Variants in MGA observed in about 807,000 individuals in gnomAD.
MGA encodes the protein MAX gene-associated protein.
Under a neutral mutation model 261.1 loss-of-function variants are expected in MGA, and 40 were observed. The ratio of observed to expected loss-of-function variants is 0.15; its 90% CI spans 0.12 to 0.20. MGA has a LOEUF of 0.20. Ranked by LOEUF, MGA falls within the 10% of genes least tolerant of loss-of-function variation. The pLI is 1.00. For synonymous variants in MGA, 1,302 were observed against 1,290.6 expected, an observed-to-expected ratio of 1.01 and a Z score of -0.19; for missense variants, 3,397 against 3,630.5, an observed-to-expected ratio of 0.94 and a Z score of 1.65.
chr15:41,759,973 T>C (rs2063361361), intron 19 of MGA, among the ~76,000 whole-genome samples: 1 of 152,136 alleles, frequency 6.6e-6, no homozygotes, highest in African/African-American at 2.4e-5. Flanking sequence ...AAACATTTAA[T>C]GTAATTTGTA....
At chr15:41,660,768 CT>C (rs2057344305) in intron 1 of MGA, among the ~76,000 whole-genome samples, 1 of 152,192 alleles carries the variant, frequency 6.6e-6, no homozygotes, top group Admixed American at 6.5e-5. Flanking sequence ...GCTCAGCTAC[CT>C]AACTGGGAAC....
intron 15 of MGA, among the ~76,000 whole-genome samples, chr15:41,747,352 A>C (rs953303254): frequency 3.3e-5 from 5 of 152,198 alleles, no homozygotes; most frequent in South Asian, 2.1e-4. Context: ...CAGGTGGTAT[A>C]AGCTTAGAAA....
intron 5 of MGA, among the ~76,000 whole-genome samples, chr15:41,702,886 GA>G (rs2059920664): frequency 6.6e-6 from 1 of 152,094 alleles, no homozygotes; most frequent in East Asian, 1.9e-4. Flanking sequence ...TTATGTTTTG[GA>G]AGAGTTTTAG....
chr15:41,765,675 G>C (rs996702543), intron 23 of MGA, among the ~76,000 whole-genome samples: 14 of 152,142 alleles, frequency 9.2e-5, no homozygotes, highest in African/African-American at 2.9e-4. Context: ...CATTTTCTGC[G>C]CTAAGTAGCA....
intron 9 of MGA, among the ~76,000 whole-genome samples, chr15:41,724,097 A>G (rs962908873): frequency 5.8e-4 from 88 of 152,160 alleles, no homozygotes; most frequent in African/African-American, 2.1e-3. Context: ...AAGATTATTG[A>G]TAGAAGTCCA....
At chr15:41,685,040 A>G (rs2058881325) in intron 2 of MGA, among the ~76,000 whole-genome samples, 2 of 152,136 alleles carry the variant, frequency 1.3e-5, no homozygotes, top group South Asian at 4.1e-4. Context: ...ATTGATAAAG[A>G]GAGAGCTGTT....
chr15:41,625,975 C>T (rs1357446515), intron 1 of MGA, among the ~76,000 whole-genome samples: 3 of 152,120 alleles, frequency 2.0e-5, no homozygotes, highest in African/African-American at 7.2e-5. Flanking sequence ...TGAGAGATCA[C>T]ATTTACATAA....
At chr15:41,735,629 C>T (rs753364109) in intron 12 of MGA, among the ~76,000 whole-genome samples, 5 of 151,712 alleles carry the variant, frequency 3.3e-5, no homozygotes, top group South Asian at 2.1e-4. Context: ...CTCAGCTACT[C>T]GGGAGGCTGA....
rs532035599 is a variant in MGA at position 41,631,488 on chromosome 15, C to T, written c.-68+10190C>T. On this transcript the variant is annotated intron_variant, in intron 1 of 8. Transcript: ENST00000566718. ...TTCGAGACCAACCTGGGCAACATAG[C>T]GAGACCCTGTCTCTATGAAAACATA... Among the ~76,000 whole-genome samples the T allele has an allele frequency of 4.5e-4, 69 of 151,898 alleles. No individual in the cohort carries two copies. The South Asian group carries it at 0.011, about 24-fold the overall frequency.
rs1194013851 is a variant in MGA, at chr15:41,660,474, GC to G, written c.-114del. 6.5e-6 allele frequency: 1 copy of G among 152,890 alleles called. No individual in the cohort carries two copies. The highest frequency in any genetic ancestry group is 1.5e-5 in the Non-Finnish European group (1 of 68,278). 9.5% of individuals were successfully genotyped at this position (152,890 alleles called of 1,614,324 possible). A position where few individuals can be genotyped will look rare whatever the true frequency, so the allele number is the denominator to read the frequency against. Reference sequence around the variant, plus strand: ...GTGTGCGAACCGAACAGAATAACCCGCCCCCAGCGGGATGTGAAGGACTCCG... The same window carrying G: ...GTGTGCGAACCGAACAGAATAACCCGCCCCAGCGGGATGTGAAGGACTCCG... On this transcript the variant is annotated 5_prime_UTR_variant, in exon 1 of 24. Coordinates refer to ENST00000219905, the MANE Select transcript of MGA (RefSeq NM_001164273.2).
intron 20 of MGA, among the ~76,000 whole-genome samples, chr15:41,760,760 G>A (rs1054130306): frequency 6.6e-6 from 1 of 151,496 alleles, no homozygotes; most frequent in Non-Finnish European, 1.5e-5. Context: ...TTTTGAGACG[G>A]AGTTTTGCTC....
At chr15:41,629,108 A>AG (rs1343306117) in intron 1 of MGA, among the ~76,000 whole-genome samples, 104 of 150,498 alleles carry the variant, frequency 6.9e-4, no homozygotes, top group South Asian at 1.5e-3. Context: ...TTCGTCTCAA[A>AG]AAAAAAAAAA....
At chr15:41,711,475 A>G (rs932760392) in intron 8 of MGA, 126 bp downstream of exon 8, 2 of 936,574 alleles carry the variant, frequency 2.1e-6, no homozygotes, top group Non-Finnish European at 1.6e-6. Context: ...TAGAACCTTC[A>G]TGGGAACTAA....
chr15:41,666,171 C>T (rs926322381), intron 1 of MGA, among the ~76,000 whole-genome samples: 3 of 151,966 alleles, frequency 2.0e-5, no homozygotes, highest in East Asian at 1.9e-4. Flanking sequence ...ATGGAATTAC[C>T]GGTGTGAGCC....
chr15:41,724,815 C>T (rs986794187), intron 9 of MGA, among the ~76,000 whole-genome samples: 7 of 152,156 alleles, frequency 4.6e-5, no homozygotes, highest in African/African-American at 1.7e-4. Flanking sequence ...CCCCACCTCC[C>T]ACCCCCTTTT....
chr15:41,647,456 C>G (rs1181159215), intron 1 of MGA, among the ~76,000 whole-genome samples: 1 of 152,082 alleles, frequency 6.6e-6, no homozygotes, highest in African/African-American at 2.4e-5. Context: ...CTGTGTAGTT[C>G]CTGGAATACA....
chr15:41,749,672 A>G lies in MGA; in HGVS notation c.6065A>G (p.Asn2022Ser). The G allele has an allele frequency of 2.5e-6, 4 of 1,614,044 alleles. No individual in the cohort carries two copies. The highest frequency in any genetic ancestry group is 3.4e-6 in the Non-Finnish European group (4 of 1,179,898). The change falls in exon 17 of 24, where the codon AAT (asparagine) becomes AGT (serine). Residue 2022 changes from asparagine to serine, a missense_variant. Asn to Ser is a conservative substitution (Grantham distance 46). Coordinates refer to ENST00000219905, the MANE Select transcript of MGA (RefSeq NM_001164273.2). ...GCTGCTACCTCAGAAGAAACTCTGA[A>G]TGATTCCTTGGAAGATAGGGGTGAT...
chr15:41,627,982 C>T (rs1466430165), intron 1 of MGA, among the ~76,000 whole-genome samples: 1 of 152,120 alleles, frequency 6.6e-6, no homozygotes, highest in Non-Finnish European at 1.5e-5. Flanking sequence ...AATTAATGAG[C>T]CCTACTGCGT....
chr15:41,701,905 A>G (rs2059872986), intron 5 of MGA, among the ~76,000 whole-genome samples: 1 of 152,224 alleles, frequency 6.6e-6, no homozygotes, highest in Non-Finnish European at 1.5e-5. Flanking sequence ...TTGAAAAACA[A>G]TTAAATCTGT....
Sources: gnomAD v4.1 joint callset for allele counts (sites outside exome capture counted in the v4.1 genomes callset) on GRCh38, gnomAD v4.1.1 for gene constraint, MANE v1.5 for transcripts, NCBI Gene and HGNC (gene_info 2026-07-23, HGNC 2026-07-21) for gene names.